HMMR: variants seen among roughly 807,000 people sequenced by gnomAD.
HMMR encodes the protein intracellular hyaluronic acid-binding protein.
A neutral mutation model predicts 101.0 loss-of-function variants in HMMR; 108 were observed. The observed-to-expected ratio is 1.07, with a 90% CI of 0.92 to 1.25. HMMR has a LOEUF of 1.25. Among genes scored for constraint, HMMR ranks in the 50% most tolerant of loss-of-function variants. HMMR has a pLI of 0.00. For synonymous variants in HMMR, 296 were observed against 276.4 expected (o/e 1.07, Z -0.70); for missense variants, 813 against 788.7 (o/e 1.03, Z -0.37).
intron 3 of HMMR, among the ~76,000 whole-genome samples, chr5:163,465,873 A>C (rs1758688245): frequency 1.3e-5 from 2 of 150,730 alleles, no homozygotes; most frequent in Admixed American, 1.3e-4. Context: ...AGGCAGGAGA[A>C]TTGCTTGAAC....
chr5:163,480,656 C>T (rs1428515837), intron 12 of HMMR, among the ~76,000 whole-genome samples: 4 of 152,154 alleles, frequency 2.6e-5, no homozygotes, highest in Non-Finnish European at 5.9e-5. Flanking sequence ...GTATAAGTTT[C>T]CATTTATCTT....
chr5:163,482,550 A>G (rs1759306677), intron 12 of HMMR, 92 bp from the exon 13 acceptor site: 2 of 920,530 alleles, frequency 2.2e-6, no homozygotes, highest in African/African-American at 3.4e-5. Context: ...TTTTAGTTTT[A>G]CTTAGAAGTA....
intron 1 of HMMR, among the ~76,000 whole-genome samples, chr5:163,461,099 T>G (rs2113444760): frequency 6.6e-6 from 1 of 152,306 alleles, no homozygotes; most frequent in Admixed American, 6.5e-5. Flanking sequence ...CACTGGAGTA[T>G]TACTTGTAGT....
rs1258095692 is a variant in HMMR, at chr5:163,464,349, C to T, written c.146-374C>T. ...AGAAATTTGGGGCCGGGCAAGGTGG[C>T]TCGTGCTCGTAATCCTGGCACTCTG... On this transcript the variant is annotated intron_variant, in intron 2 of 17. Coordinates refer to ENST00000393915, the MANE Select transcript of HMMR (RefSeq NM_001142556.2). Among the ~76,000 whole-genome samples the T allele has an allele frequency of 2.0e-5, 3 of 152,192 alleles. No homozygotes were observed. In the East Asian group the frequency reaches 5.8e-4, roughly 29 times the overall value.
chr5:163,477,459 T>C (rs1759105850), intron 11 of HMMR, among the ~76,000 whole-genome samples: 1 of 152,192 alleles, frequency 6.6e-6, no homozygotes, highest in African/African-American at 2.4e-5. Flanking sequence ...TGATTAGTGA[T>C]GCAAATGAAC....
At position 163,467,381 on chromosome 5, in the gene HMMR, A is replaced by C. The variant is rs77714243; in HGVS notation, c.226-320A>C. On this transcript the variant is annotated intron_variant, in intron 3 of 17. Transcript: ENST00000393915. ...TCTTTCTGAGATAGCATAATTAAAT[A>C]TTCAAGATGTGTTGCTATTTAACAT... is the stretch of plus-strand genomic sequence containing the variant. 4.5e-4 allele frequency among the ~76,000 whole-genome samples: 69 copies of C among 152,356 alleles called. 1 individual carries two copies. In the East Asian group the frequency reaches 0.012, roughly 27 times the overall value.
At chr5:163,460,775 C>T in intron 1 of HMMR, 37 bp downstream of exon 1, 1 of 1,580,594 alleles carries the variant, frequency 6.3e-7, no homozygotes. Context: ...ACGGGAGACG[C>T]CCTAACGCCC....
intron 4 of HMMR, among the ~76,000 whole-genome samples, chr5:163,469,224 T>C (rs971262323): frequency 3.3e-5 from 5 of 151,550 alleles, no homozygotes; most frequent in African/African-American, 4.9e-5. Context: ...ATTAGCCGGG[T>C]GTGGTGGCCC....
chr5:163,480,037 G>A (rs1246181130), intron 12 of HMMR, among the ~76,000 whole-genome samples: 1 of 152,106 alleles, frequency 6.6e-6, no homozygotes, highest in Non-Finnish European at 1.5e-5. Context: ...ACAAAAGAAT[G>A]CATAACATGT....
At chr5:163,476,758 G>A (rs1198299713) in intron 11 of HMMR, among the ~76,000 whole-genome samples, 4 of 152,106 alleles carry the variant, frequency 2.6e-5, no homozygotes, top group South Asian at 2.1e-4. Context: ...GGCTGGGTGC[G>A]GTGGCTCACA....
At chr5:163,485,676 G>A (rs1397585748) in intron 16 of HMMR, among the ~76,000 whole-genome samples, 1 of 152,146 alleles carries the variant, frequency 6.6e-6, no homozygotes, top group African/African-American at 2.4e-5. Flanking sequence ...CGTCCAGTGT[G>A]TCTATTTTTT....
chr5:163,486,948 G>A (rs984477260), intron 16 of HMMR, among the ~76,000 whole-genome samples: 35 of 152,142 alleles, frequency 2.3e-4, no homozygotes, highest in African/African-American at 7.5e-4. Flanking sequence ...GTGTGGCGGC[G>A]GGCGCCTGTA....
In HMMR at chr5:163,467,756, G is replaced by T; in HGVS notation, c.273+8G>T. The T allele has an allele frequency of 6.9e-7, 1 of 1,447,858 alleles. No homozygotes were observed. The highest frequency in any genetic ancestry group is 9.7e-7 in the Non-Finnish European group (1 of 1,033,280). 89.7% of individuals were successfully genotyped at this position (1,447,858 alleles called of 1,614,324 possible). A position where few individuals can be genotyped will look rare whatever the true frequency, so the allele number is the denominator to read the frequency against. ...AAGATATTAGAGAAAGAGGTAAGCA[G>T]TGCTTTAAACTTAGTGAAAAGTACA... On this transcript the variant is annotated splice_region_variant and intron_variant, in intron 4 of 17. Transcript: ENST00000393915.
Position 163,474,172 on chromosome 5 carries a change from A to C in HMMR, c.1020A>C (p.Glu340Asp). 1 of 1,609,110 alleles carries C rather than the reference A, an allele frequency of 6.2e-7. No individual in the cohort carries two copies. Among genetic ancestry groups the C allele is most frequent in the South Asian group, 1.1e-5 (1 of 89,860 alleles). The change falls in exon 10 of 18, where the codon GAA (glutamate) becomes GAC (aspartate). Residue 340 changes from glutamate (E) to aspartate (D), a missense_variant. Physicochemically the swap from Glu to Asp is conservative, Grantham distance 45. Transcript: ENST00000393915. ...AACGTGAAAAGCTTCAACAAAAAGA[A>C]TTACAAATTGATTCACTTCTGCAAC... is the stretch of plus-strand genomic sequence containing the variant. ...QQEREKLQQK[E>D]LQIDSLLQQE...
intron 11 of HMMR, among the ~76,000 whole-genome samples, chr5:163,475,990 A>G (rs936226798): frequency 6.6e-6 from 1 of 152,128 alleles, no homozygotes; most frequent in African/African-American, 2.4e-5. Context: ...CTAATTTCTG[A>G]AATTTATTGA....
chr5:163,488,426 A>C (rs867105703), intron 16 of HMMR, among the ~76,000 whole-genome samples: 4 of 152,044 alleles, frequency 2.6e-5, no homozygotes, highest in Non-Finnish European at 5.9e-5. Context: ...GTAATTTTTC[A>C]TTGGAAAGTA....
intron 7 of HMMR, among the ~76,000 whole-genome samples, chr5:163,471,957 C>T (rs1332669318): frequency 6.6e-6 from 1 of 152,112 alleles, no homozygotes; most frequent in Non-Finnish European, 1.5e-5. Flanking sequence ...TGTCCCCCTG[C>T]TACTGCCTAT....
Position 163,484,139 on chromosome 5 carries a change from T to A in HMMR, c.1856T>A (p.Leu619Gln). 1 of 1,604,152 alleles carries A rather than the reference T, an allele frequency of 6.2e-7. No individual in the cohort carries two copies. The highest frequency in any genetic ancestry group is 8.5e-7 in the Non-Finnish European group (1 of 1,172,906). Residue 619 changes from leucine (L) to glutamine (Q), a missense_variant, in exon 16 of 18, where the codon CTA (leucine) becomes CAA (glutamine). Leu to Gln is a moderately radical substitution (Grantham distance 113). Coordinates refer to ENST00000393915, the MANE Select transcript of HMMR (RefSeq NM_001142556.2). Reference protein sequence around the residue: ...LNEHGAAQEQLNKIRDSYAKL... With the variant: ...LNEHGAAQEQQNKIRDSYAKL... ...GAACATGGTGCAGCTCAGGAACAGC[T>A]AAATAAAATAAGAGATTCATATGCT...
intron 1 of HMMR, among the ~76,000 whole-genome samples, chr5:163,462,276 A>C (rs889081): frequency 0.39 from 59,243 of 151,432 alleles, 12,712 homozygotes; most frequent in African/African-American, 0.57. Context: ...ACTAATTATT[A>C]ATTTGATGCT....
Sources: gnomAD v4.1 joint callset for allele counts (sites outside exome capture counted in the v4.1 genomes callset) on GRCh38, gnomAD v4.1.1 for gene constraint, MANE v1.5 for transcripts, NCBI Gene and HGNC (gene_info 2026-07-23, HGNC 2026-07-21) for gene names.